Variants in ABCA4 observed in about 807,000 individuals in gnomAD.
The protein encoded by ABCA4 is retinal-specific phospholipid-transporting ATPase ABCA4.
A neutral mutation model predicts 263.7 loss-of-function variants in ABCA4; 196 were observed. That is an observed-to-expected ratio of 0.74 (90% CI 0.66 to 0.84). The LOEUF is 0.84. ABCA4 is among the 40% of genes least tolerant of loss of function. The pLI, the probability that ABCA4 is intolerant of heterozygous loss-of-function variation, is 0.00. For missense variants in ABCA4, 2,792 were observed against 2,855.1 expected (o/e 0.98, Z 0.50); for synonymous variants, 1,133 against 1,094.2 (o/e 1.04, Z -0.70).
chr1:94,064,881 T>G (rs532626970), intron 11 of ABCA4, among the ~76,000 whole-genome samples: 1 of 151,678 alleles, frequency 6.6e-6, no homozygotes, highest in Admixed American at 6.6e-5. Flanking sequence ...TAATGTAGGG[T>G]TTTGAGCTGG....
chr1:94,057,006 C>T (rs1661002658), intron 14 of ABCA4, among the ~76,000 whole-genome samples, 184 bp from the exon 15 acceptor site: 1 of 152,166 alleles, frequency 6.6e-6, no homozygotes, highest in South Asian at 2.1e-4. Flanking sequence ...ACATTAGACT[C>T]CTAACAGTCA....
At position 94,029,466 on chromosome 1, in the gene ABCA4, G is replaced by A. The variant is rs146011912; in HGVS notation, c.4518C>T (p.Ala1506=). 14 of 1,562,120 alleles carry A rather than the reference G, an allele frequency of 9.0e-6. No individual in the cohort carries two copies. Among genetic ancestry groups the A allele is most frequent in the Admixed American group, 3.8e-5 (2 of 52,350 alleles). ...LTMLPECPEG[A]GGLPPPQRTQ... is the part of the protein sequence containing the mutation. ...GTACCTGGGGGGGCGGGAGGCCCCCGGCACCCTCGGGGCACTCTGGCAGCA... is the reference window on the plus strand; with the variant it reads ...GTACCTGGGGGGGCGGGAGGCCCCCAGCACCCTCGGGGCACTCTGGCAGCA... Residue 1506 remains alanine, a synonymous_variant, in exon 30 of 50, where the codon GCC becomes GCT. Coordinates refer to ENST00000370225, the MANE Select transcript of ABCA4 (RefSeq NM_000350.3).
intron 13 of ABCA4, among the ~76,000 whole-genome samples, chr1:94,062,207 G>A (rs1661145763): frequency 6.6e-6 from 1 of 152,168 alleles, no homozygotes; most frequent in African/African-American, 2.4e-5. Context: ...AGTCCAAAAT[G>A]AATGCTGATG....
chr1:94,047,232 T>C (rs894563416), intron 18 of ABCA4, 139 bp from the exon 19 acceptor site: 1 of 887,476 alleles, frequency 1.1e-6, no homozygotes, highest in Non-Finnish European at 1.8e-6. Flanking sequence ...CAAGGAAGAC[T>C]CCAGAATAAT....
chr1:93,998,489 C>T (rs752614602), intron 47 of ABCA4, among the ~76,000 whole-genome samples: 7 of 151,554 alleles, frequency 4.6e-5, no homozygotes, highest in Non-Finnish European at 8.8e-5. Context: ...TCAAAAAAAC[C>T]GAAAAACAAG....
At chr1:94,046,472 A>AAAAAAAG (rs1553191034) in intron 19 of ABCA4, among the ~76,000 whole-genome samples, 1 of 148,616 alleles carries the variant, frequency 6.7e-6, no homozygotes, top group South Asian at 2.1e-4. Flanking sequence ...AAAAAAAAAA[A>AAAAAAAG]AAAAGAAAAG....
chr1:94,025,831 C>A (rs1010471815), intron 30 of ABCA4, among the ~76,000 whole-genome samples: 1 of 152,168 alleles, frequency 6.6e-6, no homozygotes, highest in Non-Finnish European at 1.5e-5. Context: ...CGTAGGATAT[C>A]ATTTTGGTGA....
intron 39 of ABCA4, 139 bp downstream of exon 39, chr1:94,011,123 A>G (rs1659534265): frequency 1.3e-6 from 2 of 1,547,730 alleles, no homozygotes; most frequent in Admixed American, 1.7e-5. Context: ...AATCCTCTCC[A>G]GCTGGCAGGA....
chr1:94,015,495 C>A (rs891851969), intron 37 of ABCA4, among the ~76,000 whole-genome samples: 1 of 152,168 alleles, frequency 6.6e-6, no homozygotes, highest in Non-Finnish European at 1.5e-5. Flanking sequence ...AGATTCAGAT[C>A]ATGTGGGACT....
At position 94,077,727 on chromosome 1, in the gene ABCA4, G is replaced by A; in HGVS notation, c.1517C>T (p.Thr506Ile). The change falls in exon 11 of 50, where the codon ACT becomes ATT. Residue 506 changes from threonine (T) to isoleucine (I), a missense_variant. Transcript: ENST00000370225. ...NFDWRDIFNI[T>I]DRTLRLVNQY... is the part of the protein sequence containing the mutation. ...ATTGACCAGGCGGAGGGTGCGATCAGTGATGTTAAATATGTCCCTCCAGTC... is the reference window on the plus strand; with the variant it reads ...ATTGACCAGGCGGAGGGTGCGATCAATGATGTTAAATATGTCCCTCCAGTC... 1 of 1,614,090 alleles carries A rather than the reference G, an allele frequency of 6.2e-7. No individual in the cohort carries two copies.
chr1:94,000,724 T>C (rs925316426), intron 47 of ABCA4, 112 bp downstream of exon 47: 1 of 1,167,656 alleles, frequency 8.6e-7, no homozygotes, highest in Non-Finnish European at 1.3e-6. Context: ...ACCACCTGCC[T>C]CTGCCCCAGG....
At chr1:94,010,082 A>C (rs1201476620) in intron 40 of ABCA4, among the ~76,000 whole-genome samples, 1 of 152,258 alleles carries the variant, frequency 6.6e-6, no homozygotes, top group Non-Finnish European at 1.5e-5. Flanking sequence ...ACAGGTGACC[A>C]CACTCAGCCT....
chr1:94,037,340 A>G lies in ABCA4; in HGVS notation c.3618T>C (p.Asn1206=). 1 of 1,614,132 alleles carries G rather than the reference A, an allele frequency of 6.2e-7. No individual in the cohort carries two copies. The highest frequency in any genetic ancestry group is 1.3e-5 in the African/African-American group (1 of 75,044). Reference sequence around the variant, plus strand: ...GGTGGAGAACTACATCCATCAGCTCATTTACATCCCCTAGGACAAGAAAAA... The same window carrying G: ...GGTGGAGAACTACATCCATCAGCTCGTTTACATCCCCTAGGACAAGAAAAA... The part of the protein sequence containing the change: ...TPEQVLDGDV[N]ELMDVVLHHV... Residue 1206 remains asparagine (N), a synonymous_variant, in exon 25 of 50, where the codon AAT becomes AAC. Coordinates refer to ENST00000370225, the MANE Select transcript of ABCA4 (RefSeq NM_000350.3).
At chr1:94,119,444 T>C (rs1344235243) in intron 1 of ABCA4, among the ~76,000 whole-genome samples, 1 of 152,168 alleles carries the variant, frequency 6.6e-6, no homozygotes, top group Non-Finnish European at 1.5e-5. Context: ...GCGTGTCCCA[T>C]GCTGCTCTCT....
chr1:94,005,766 C>T (rs1420588648), intron 43 of ABCA4, among the ~76,000 whole-genome samples, 184 bp from the exon 44 acceptor site: 1 of 152,158 alleles, frequency 6.6e-6, no homozygotes, highest in Non-Finnish European at 1.5e-5. Flanking sequence ...GAAACTGAAT[C>T]CTGTCAGATT....
intron 17 of ABCA4, among the ~76,000 whole-genome samples, 170 bp from the exon 18 acceptor site, chr1:94,049,127 A>T (rs1660768323): frequency 6.6e-6 from 1 of 152,200 alleles, no homozygotes; most frequent in African/African-American, 2.4e-5. Context: ...CCAGAGGAAG[A>T]TTTATAACAG....
chr1:94,043,363 G>A lies in ABCA4; in HGVS notation c.3163C>T (p.Arg1055Trp), dbSNP rs61752412. The A allele has an allele frequency of 4.8e-5, 78 of 1,613,922 alleles. No individual in the cohort carries two copies. The South Asian group carries it at 5.9e-4, about 12-fold the overall frequency. ...MLEDTGLHHK[R>W]NEEAQDLSGG... Reference sequence around the variant, plus strand: ...GATAGGTCCTGAGCCTCTTCATTCCGCTTGTGGTGGAGGCCTGTGTCCTCC... The same window carrying A: ...GATAGGTCCTGAGCCTCTTCATTCCACTTGTGGTGGAGGCCTGTGTCCTCC... The change falls in exon 21 of 50, where the codon CGG (arginine) becomes TGG (tryptophan). Residue 1055 changes from arginine to tryptophan, a missense_variant. Arg to Trp is a moderately radical substitution (Grantham distance 101). Transcript: ENST00000370225.
In ABCA4 at chr1:94,029,328, C is replaced by T; in HGVS notation, c.4539+117G>A. On this transcript the variant is annotated intron_variant, in intron 30 of 49. Transcript: ENST00000370225. The stretch of plus-strand genomic sequence containing the variant: ...GGGTGCAGGGAGTTTGGTTTAGTCC[C>T]CTACTCAACTGCCAGTTTGAAATGT... The T allele has an allele frequency of 2.8e-6, 3 of 1,073,418 alleles. No homozygotes were observed. In the South Asian group the frequency reaches 5.0e-5, roughly 18 times the overall value. 66.5% of individuals were successfully genotyped at this position (1,073,418 alleles called of 1,614,324 possible).
chr1:94,054,476 A>T (rs1557783771), intron 16 of ABCA4, among the ~76,000 whole-genome samples: 2 of 152,196 alleles, frequency 1.3e-5, no homozygotes, highest in South Asian at 2.1e-4. Flanking sequence ...GGACATTTGA[A>T]CAGAGACCTT....
Sources: allele counts gnomAD v4.1 joint callset (sites outside exome capture counted in the v4.1 genomes callset), GRCh38; gene constraint gnomAD v4.1.1; transcripts MANE v1.5; gene names NCBI Gene and HGNC (gene_info 2026-07-23, HGNC 2026-07-21).